ERG: variants seen among roughly 807,000 people sequenced by gnomAD.
ERG encodes ETS transcription factor ERG, also known as transcriptional regulator ERG.
ERG carries 9 observed loss-of-function variants against 55.3 expected under a neutral mutation model. That is an observed-to-expected ratio of 0.16 (90% confidence interval 0.10 to 0.28). The LOEUF (loss-of-function observed/expected upper bound fraction) is 0.28, where lower values mean the gene tolerates loss of function less well. ERG is among the 10% of genes least tolerant of loss of function. The pLI is 1.00. For missense variants in ERG, 434 were observed against 631.6 expected, an observed-to-expected ratio of 0.69 and a Z score of 3.35; for synonymous variants, 223 against 237.3, an observed-to-expected ratio of 0.94 and a Z score of 0.55.
At chr21:38,399,467 C>T (rs1988382033) in intron 6 of ERG, among the ~76,000 whole-genome samples, 1 of 152,168 alleles carries the variant, frequency 6.6e-6, no homozygotes, top group Non-Finnish European at 1.5e-5. Context: ...TAGAGTTTAA[C>T]ATGAATTCTG....
At position 38,380,041 on chromosome 21, in the gene ERG, G is replaced by C. The variant is rs1987353869; in HGVS notation, c.*3362C>G. On this transcript the variant is annotated 3_prime_UTR_variant, in exon 10 of 10. Transcript: ENST00000288319. ...AAGGCACAGAATTTGGTGTATTTTT[G>C]AGTAGTCCAAAGTAATTTTTATTCT... 4 of 1,012,584 alleles carry C rather than the reference G, an allele frequency of 4.0e-6. No individual in the cohort carries two copies. The South Asian group carries it at 1.4e-4, about 35-fold the overall frequency. 62.7% of individuals were successfully genotyped at this position (1,012,584 alleles called of 1,614,324 possible). A position where few individuals can be genotyped will look rare whatever the true frequency, so the allele number is the denominator to read the frequency against.
intron 1 of ERG, among the ~76,000 whole-genome samples, chr21:38,476,355 TGTCTCCAC>T (rs1256009490): frequency 1.3e-5 from 2 of 152,180 alleles, no homozygotes; most frequent in Non-Finnish European, 2.9e-5. Flanking sequence ...GGGGTCCCAT[TGTCTCCAC>T]GTTTAGGTTT....
intron 2 of ERG, among the ~76,000 whole-genome samples, chr21:38,570,664 G>C (rs920180502): frequency 6.6e-6 from 1 of 152,156 alleles, no homozygotes; most frequent in Non-Finnish European, 1.5e-5. Context: ...AAGGCACAAA[G>C]AAACTAAGGA....
At position 38,461,150 on chromosome 21, in the gene ERG, G is replaced by T. The variant is rs376389457; in HGVS notation, c.19-15529C>A. ...AAGCAACAGACATTTATTCTCTCAT[G>T]GCTCTGGAAGCTGGAAGTCAGAGAG... On this transcript the variant is annotated intron_variant, in intron 1 of 9. Transcript: ENST00000288319. Among the ~76,000 whole-genome samples, 3 of 152,294 alleles carry T rather than the reference G, an allele frequency of 2.0e-5. No homozygotes were observed. In the South Asian group the frequency reaches 6.2e-4, roughly 32 times the overall value.
At chr21:38,640,224 A>T (rs925586071) in intron 1 of ERG, among the ~76,000 whole-genome samples, 6 of 152,238 alleles carry the variant, frequency 3.9e-5, no homozygotes, top group African/African-American at 9.6e-5. Flanking sequence ...AAAATCGAAC[A>T]TTACAGCACA....
At chr21:38,611,537 A>G (rs368107498) in intron 1 of ERG, among the ~76,000 whole-genome samples, 2 of 152,052 alleles carry the variant, frequency 1.3e-5, no homozygotes, top group Admixed American at 6.5e-5. Flanking sequence ...TGTGTCTGGA[A>G]TGTTCTTCCC....
At chr21:38,421,151 T>A (rs1989523765) in intron 3 of ERG, among the ~76,000 whole-genome samples, 1 of 152,188 alleles carries the variant, frequency 6.6e-6, no homozygotes, top group Non-Finnish European at 1.5e-5. Flanking sequence ...AGCCCCCTGT[T>A]CTGAGGCACA....
At chr21:38,596,680 A>G (rs897879444) in intron 1 of ERG, among the ~76,000 whole-genome samples, 1 of 152,208 alleles carries the variant, frequency 6.6e-6, no homozygotes. Flanking sequence ...AGAATTCCTT[A>G]GTTTCCTGGA....
intron 1 of ERG, among the ~76,000 whole-genome samples, chr21:38,582,472 G>A (rs995015633): frequency 1.3e-5 from 2 of 152,210 alleles, no homozygotes; most frequent in Non-Finnish European, 2.9e-5. Flanking sequence ...TAAAAAATTT[G>A]TAAAACCTCC....
At chr21:38,550,408 C>G (rs2146815148) in intron 2 of ERG, among the ~76,000 whole-genome samples, 1 of 152,224 alleles carries the variant, frequency 6.6e-6, no homozygotes, top group Non-Finnish European at 1.5e-5. Context: ...ATCCTTACCC[C>G]CAAGGTAGCA....
At chr21:38,527,498 G>A (rs548398035) in intron 2 of ERG, among the ~76,000 whole-genome samples, 3 of 152,282 alleles carry the variant, frequency 2.0e-5, no homozygotes, top group East Asian at 1.9e-4. Context: ...ATTCCTGAGC[G>A]GATCAATTTC....
chr21:38,595,364 A>C (rs1006023167), intron 1 of ERG, among the ~76,000 whole-genome samples: 20 of 152,168 alleles, frequency 1.3e-4, no homozygotes, highest in African/African-American at 4.6e-4. Flanking sequence ...AGATGAGAAG[A>C]CATGTCAGAG....
chr21:38,381,259 C>G lies in ERG; in HGVS notation c.*2144G>C. ...CTATGAAAAGGGCCAGTTCAGAAACCTATTCAGCTAAGATGTTTCGGCTAG... is the reference window on the plus strand; with the variant it reads ...CTATGAAAAGGGCCAGTTCAGAAACGTATTCAGCTAAGATGTTTCGGCTAG... On this transcript the variant is annotated 3_prime_UTR_variant, in exon 10 of 10. Coordinates refer to ENST00000288319, the MANE Select transcript of ERG (RefSeq NM_182918.4). The G allele has an allele frequency of 8.4e-6, 9 of 1,065,456 alleles. No individual in the cohort carries two copies. The highest frequency in any genetic ancestry group is 1.0e-5 in the Non-Finnish European group (9 of 879,360). 66.0% of individuals were successfully genotyped at this position (1,065,456 alleles called of 1,614,324 possible).
At chr21:38,465,354 A>C (rs2059079044) in intron 1 of ERG, among the ~76,000 whole-genome samples, 1 of 152,238 alleles carries the variant, frequency 6.6e-6, no homozygotes, top group Non-Finnish European at 1.5e-5. Context: ...TGGAAAAGGC[A>C]AGACTACAGA....
intron 2 of ERG, among the ~76,000 whole-genome samples, chr21:38,424,187 G>GCTCT (rs1227355474): frequency 6.6e-4 from 73 of 110,152 alleles, no homozygotes; most frequent in Admixed American, 1.5e-3. Context: ...CAGAGCTCGA[G>GCTCT]CTCTCTCTCT....
chr21:38,594,607 G>T (rs774035711), intron 1 of ERG, among the ~76,000 whole-genome samples: 5 of 152,202 alleles, frequency 3.3e-5, no homozygotes, highest in Non-Finnish European at 7.3e-5. Flanking sequence ...AGATGAAGGG[G>T]CCACATAGCT....
chr21:38,551,963 G>A (rs116425465), intron 2 of ERG, among the ~76,000 whole-genome samples: 1,625 of 152,220 alleles, frequency 0.011, 27 homozygotes, highest in African/African-American at 0.037. Flanking sequence ...CACTATTATT[G>A]TATGGTTATC....
chr21:38,464,292 T>C (rs928899618), intron 1 of ERG, among the ~76,000 whole-genome samples: 6 of 152,224 alleles, frequency 3.9e-5, no homozygotes, highest in Non-Finnish European at 5.9e-5. Context: ...TCATATTTCT[T>C]ACTTCCAAAG....
chr21:38,418,364 G>A lies in ERG; in HGVS notation c.388+5046C>T, dbSNP rs377622234. Among the ~76,000 whole-genome samples, 209 of 151,504 alleles carry A rather than the reference G, an allele frequency of 1.4e-3. 1 individual carries two copies. Among genetic ancestry groups the A allele is most frequent in the African/African-American group, 3.9e-3 (162 of 41,224 alleles). ...TGAAGTGGTGCAATCATGGTTCACTGCAGCCTCAAACTTCTGGGCTCAAAG... is the reference window on the plus strand; with the variant it reads ...TGAAGTGGTGCAATCATGGTTCACTACAGCCTCAAACTTCTGGGCTCAAAG... On this transcript the variant is annotated intron_variant, in intron 3 of 9. Transcript: ENST00000288319.
Sources: gnomAD v4.1 joint callset for allele counts (sites outside exome capture counted in the v4.1 genomes callset) on GRCh38, gnomAD v4.1.1 for gene constraint, MANE v1.5 for transcripts, NCBI Gene and HGNC (gene_info 2026-07-23, HGNC 2026-07-21) for gene names.